The following NOX4 variants were observed in gnomAD, a reference collection of about 807,000 sequenced individuals.
The protein encoded by NOX4 is kidney oxidase-1.
NOX4 carries 69 observed loss-of-function variants against 87.6 expected under a neutral mutation model. The observed-to-expected ratio is 0.79, with a 90% CI of 0.65 to 0.96. The LOEUF is 0.96. Among genes scored for constraint, NOX4 ranks in the 40% least tolerant of loss-of-function variants. NOX4 has a pLI of 0.00. For synonymous variants in NOX4, 275 were observed against 238.2 expected (o/e 1.15, Z -1.42); for missense variants, 680 against 681.5 (o/e 1.00, Z 0.02).
intron 7 of NOX4, among the ~76,000 whole-genome samples, chr11:89,427,166 C>T (rs1943467006): frequency 6.6e-6 from 1 of 152,186 alleles, no homozygotes; most frequent in Admixed American, 6.5e-5. Flanking sequence ...AGGGTCCTGA[C>T]TGTTAGAAGG....
At position 89,475,619 on chromosome 11, in the gene NOX4, C is replaced by T. The variant is rs184025785; in HGVS notation, c.153+14839G>A. Among the ~76,000 whole-genome samples, 223 of 151,984 alleles carry T rather than the reference C, an allele frequency of 1.5e-3. 2 individuals carry two copies. Among genetic ancestry groups the T allele is most frequent in the South Asian group, 0.012 (59 of 4,812 alleles). ...TAACTGAGGATATATTAACGTAAAG[C>T]GCAGGCTTCAACAGAATAGGTTAGG... is the stretch of plus-strand genomic sequence containing the variant. On this transcript the variant is annotated intron_variant, in intron 2 of 17. Coordinates refer to ENST00000263317, the MANE Select transcript of NOX4 (RefSeq NM_016931.5).
At chr11:89,427,492 G>A (rs1199155074) in intron 7 of NOX4, among the ~76,000 whole-genome samples, 2 of 152,126 alleles carry the variant, frequency 1.3e-5, no homozygotes, top group Admixed American at 6.5e-5. Context: ...TTAGACGAAT[G>A]GCTAACTAGA....
the NOX4 span, among the ~76,000 whole-genome samples, chr11:89,542,822 C>G: frequency 6.6e-6 from 1 of 152,048 alleles, no homozygotes; most frequent in Non-Finnish European, 1.5e-5. Flanking sequence ...TTTTTCTTCT[C>G]TCATACTCCT....
chr11:89,329,998 A>T (rs1297724358), intron 17 of NOX4, among the ~76,000 whole-genome samples: 1 of 152,128 alleles, frequency 6.6e-6, no homozygotes, highest in Non-Finnish European at 1.5e-5. Context: ...ATTTTGTCTA[A>T]TTTCTAATAT....
chr11:89,400,416 C>A (rs747303467), intron 9 of NOX4, 37 bp from the exon 10 acceptor site: 8 of 1,509,268 alleles, frequency 5.3e-6, no homozygotes, highest in Non-Finnish European at 7.2e-6. Flanking sequence ...TCAAGAAATA[C>A]TCATATTGTA....
chr11:89,328,007 G>T (rs897615270), intron 17 of NOX4, among the ~76,000 whole-genome samples: 12 of 152,194 alleles, frequency 7.9e-5, no homozygotes, highest in African/African-American at 2.9e-4. Context: ...CACTCTCTTT[G>T]CTTATTGCCT....
the NOX4 span, among the ~76,000 whole-genome samples, chr11:89,588,874 T>C: frequency 6.6e-6 from 1 of 152,186 alleles, no homozygotes; most frequent in Non-Finnish European, 1.5e-5. Flanking sequence ...GCTGAATATA[T>C]ACACATGAAA....
intron 17 of NOX4, among the ~76,000 whole-genome samples, chr11:89,327,524 G>A (rs933203649): frequency 9.9e-5 from 15 of 152,058 alleles, no homozygotes; most frequent in Admixed American, 5.2e-4. Context: ...AATTTTAGTA[G>A]TTAAATAATA....
chr11:89,431,794 G>T (rs575735914), intron 7 of NOX4, among the ~76,000 whole-genome samples: 4 of 152,260 alleles, frequency 2.6e-5, no homozygotes, highest in African/African-American at 4.8e-5. Flanking sequence ...ACAGTGTGGC[G>T]ATTCCTCAGG....
chr11:89,550,289 A>G, the NOX4 span, among the ~76,000 whole-genome samples: 112 of 151,726 alleles, frequency 7.4e-4, no homozygotes, highest in African/African-American at 2.6e-3. Context: ...GGGTTCAAGC[A>G]ATTCTCCTGC....
chr11:89,364,242 G>A (rs1252330075), intron 12 of NOX4, among the ~76,000 whole-genome samples: 2 of 151,570 alleles, frequency 1.3e-5, no homozygotes, highest in African/African-American at 2.4e-5. Context: ...GTGAGACCCT[G>A]TCTCTCTCTC....
At chr11:89,384,581 A>C (rs1940547768) in intron 11 of NOX4, among the ~76,000 whole-genome samples, 2 of 152,070 alleles carry the variant, frequency 1.3e-5, no homozygotes, top group African/African-American at 4.8e-5. Flanking sequence ...TCCTGACTAA[A>C]CCATTATATA....
chr11:89,516,651 G>C, the NOX4 span, among the ~76,000 whole-genome samples: 1 of 151,962 alleles, frequency 6.6e-6, no homozygotes, highest in African/African-American at 2.4e-5. Context: ...GATCCTTGAG[G>C]GTCTTATCTG....
chr11:89,425,362 C>T (rs1199248547), intron 7 of NOX4, among the ~76,000 whole-genome samples: 2 of 129,238 alleles, frequency 1.5e-5, no homozygotes, highest in African/African-American at 3.0e-5. Flanking sequence ...ATTGAAAAAG[C>T]ATGCAAAGAC....
At chr11:89,447,239 T>C (rs2135376417) in intron 4 of NOX4, among the ~76,000 whole-genome samples, 1 of 152,256 alleles carries the variant, frequency 6.6e-6, no homozygotes. Context: ...CCCAAATGTA[T>C]AGTAAAATAA....
intron 7 of NOX4, among the ~76,000 whole-genome samples, chr11:89,430,575 G>C (rs1673725273): frequency 6.6e-6 from 1 of 152,086 alleles, no homozygotes; most frequent in South Asian, 2.1e-4. Flanking sequence ...CAAACAGAGA[G>C]CCAAATCATG....
the NOX4 span, among the ~76,000 whole-genome samples, chr11:89,513,402 T>C: frequency 6.6e-6 from 1 of 151,926 alleles, no homozygotes; most frequent in African/African-American, 2.4e-5. Context: ...TACTTGACTT[T>C]AAATCTCACT....
chr11:89,375,478 T>C (rs7130908), intron 11 of NOX4, among the ~76,000 whole-genome samples: 1,705 of 152,158 alleles, frequency 0.011, 38 homozygotes, highest in African/African-American at 0.039. Context: ...GCTATTTTTC[T>C]TGTGTTTTTA....
intron 8 of NOX4, among the ~76,000 whole-genome samples, chr11:89,417,586 T>C (rs1942854038): frequency 6.6e-6 from 1 of 152,124 alleles, no homozygotes; most frequent in Non-Finnish European, 1.5e-5. Context: ...GAATATTCCT[T>C]TGAGCTGCTA....
Sources: gnomAD v4.1 joint callset for allele counts (sites outside exome capture counted in the v4.1 genomes callset) on GRCh38, gnomAD v4.1.1 for gene constraint, MANE v1.5 for transcripts, NCBI Gene and HGNC (gene_info 2026-07-23, HGNC 2026-07-21) for gene names.